TANC1: variants seen among roughly 807,000 people sequenced by gnomAD.
TANC1 encodes tetratricopeptide repeat, ankyrin repeat and coiled-coil containing 1.
TANC1 carries 77 observed loss-of-function variants against 149.7 expected under a neutral mutation model. The ratio of observed to expected loss-of-function variants is 0.51; its 90% CI spans 0.43 to 0.62. TANC1 has a LOEUF of 0.62. TANC1 is among the 20% of genes least tolerant of loss of function. The pLI is 0.00. For synonymous variants in TANC1, 854 were observed against 925.0 expected (o/e 0.92, Z 1.39); for missense variants, 1,985 against 2,321.8 (o/e 0.85, Z 2.98).
intron 4 of TANC1, among the ~76,000 whole-genome samples, chr2:159,117,364 G>C (rs547096185): frequency 6.6e-6 from 1 of 152,150 alleles, no homozygotes; most frequent in Non-Finnish European, 1.5e-5. Flanking sequence ...CAGAGTTAAT[G>C]AACTGATATT....
chr2:159,129,099 TTC>T (rs2049805034), intron 4 of TANC1, among the ~76,000 whole-genome samples: 1 of 152,200 alleles, frequency 6.6e-6, no homozygotes, highest in South Asian at 2.1e-4. Context: ...AGTGTCACTT[TTC>T]ACAGCCTCCA....
chr2:159,217,676 G>A (rs1170812077), intron 20 of TANC1, 46 bp downstream of exon 20: 1 of 1,605,886 alleles, frequency 6.2e-7, no homozygotes, highest in South Asian at 1.1e-5. Context: ...GAGTGGGGAT[G>A]GAGTTCACTA....
intron 16 of TANC1, among the ~76,000 whole-genome samples, chr2:159,192,216 T>C (rs2057497757): frequency 6.6e-6 from 1 of 152,224 alleles, no homozygotes. Flanking sequence ...TGTGGACATT[T>C]CCATATTTTC....
At chr2:159,083,408 TA>T in intron 3 of TANC1, among the ~76,000 whole-genome samples, 1 of 152,308 alleles carries the variant, frequency 6.6e-6, no homozygotes, top group East Asian at 1.9e-4. Flanking sequence ...CATTATCTAG[TA>T]AACTCTGTTT....
intron 2 of TANC1, among the ~76,000 whole-genome samples, chr2:159,009,726 T>C (rs2037574269): frequency 6.6e-6 from 1 of 152,142 alleles, no homozygotes; most frequent in Admixed American, 6.5e-5. Flanking sequence ...ATTGTATATT[T>C]TCAGATAGCT....
chr2:159,090,517 C>T (rs1361322744), intron 3 of TANC1, among the ~76,000 whole-genome samples: 1 of 152,178 alleles, frequency 6.6e-6, no homozygotes, highest in African/African-American at 2.4e-5. Flanking sequence ...TCGGGGGTCC[C>T]TCTGTGTGGA....
At position 159,163,385 on chromosome 2, in the gene TANC1, A is replaced by T; in HGVS notation, c.785A>T (p.His262Leu). The T allele has an allele frequency of 6.2e-7, 1 of 1,614,228 alleles. No individual in the cohort carries two copies. The highest frequency in any genetic ancestry group is 8.5e-7 in the Non-Finnish European group (1 of 1,180,044). The change falls in exon 8 of 27, where the codon CAT becomes CTT. Residue 262 changes from histidine to leucine, a missense_variant. His to Leu is a moderately conservative substitution (Grantham distance 99). Around this residue, in one of 3 missense-constraint regions of TANC1, gnomAD observed 557 missense variants for 612.9 expected, o/e 0.91. Coordinates refer to ENST00000263635, the MANE Select transcript of TANC1 (RefSeq NM_033394.3). ...TTAGGGGTTCAGAAGGGAGTGCTTC[A>T]TGACCGCAGGGCAGATAACTGCTCC... Reference protein sequence around the residue: ...LRLGVQKGVLHDRRADNCSPV... With the variant: ...LRLGVQKGVLLDRRADNCSPV...
chr2:159,142,866 C>G (rs565482278), intron 5 of TANC1, among the ~76,000 whole-genome samples: 10 of 151,682 alleles, frequency 6.6e-5, no homozygotes, highest in African/African-American at 2.4e-4. Context: ...GAGTTTGAGA[C>G]CAGCCTGGCC....
At chr2:158,990,202 C>T (rs1323636578) in intron 1 of TANC1, among the ~76,000 whole-genome samples, 2 of 152,212 alleles carry the variant, frequency 1.3e-5, no homozygotes, top group Non-Finnish European at 2.9e-5. Flanking sequence ...TCCCAAAGTG[C>T]TGGGATTACA....
chr2:158,995,451 G>A (rs934015938), intron 1 of TANC1, among the ~76,000 whole-genome samples: 3 of 152,130 alleles, frequency 2.0e-5, no homozygotes, highest in Non-Finnish European at 4.4e-5. Context: ...ACAGCCACTT[G>A]AGGTTATCTG....
intron 2 of TANC1, among the ~76,000 whole-genome samples, chr2:159,043,752 C>T (rs2040832748): frequency 6.6e-6 from 1 of 152,142 alleles, no homozygotes; most frequent in Non-Finnish European, 1.5e-5. Context: ...ATAAAATTTT[C>T]ACATTTTTAA....
intron 17 of TANC1, among the ~76,000 whole-genome samples, 179 bp from the exon 18 acceptor site, chr2:159,196,429 T>C (rs561212762): frequency 1.2e-4 from 18 of 152,336 alleles, no homozygotes; most frequent in African/African-American, 4.1e-4. Context: ...GAATGGTACA[T>C]TCATTACCAT....
chr2:159,003,747 G>T (rs1175869658), intron 2 of TANC1, among the ~76,000 whole-genome samples: 2 of 152,198 alleles, frequency 1.3e-5, no homozygotes, highest in African/African-American at 4.8e-5. Context: ...TGCCGCTGCC[G>T]CAGTCGTCGT....
intron 8 of TANC1, among the ~76,000 whole-genome samples, 153 bp downstream of exon 8, chr2:159,163,699 G>A (rs2054283887): frequency 6.6e-6 from 1 of 152,186 alleles, no homozygotes; most frequent in South Asian, 2.1e-4. Flanking sequence ...TTACTAATCT[G>A]TAAACACAAT....
At chr2:159,012,879 C>T (rs2037905545) in intron 2 of TANC1, among the ~76,000 whole-genome samples, 1 of 152,124 alleles carries the variant, frequency 6.6e-6, no homozygotes, top group African/African-American at 2.4e-5. Flanking sequence ...ATGTAGGAGG[C>T]TACTCTTTCG....
chr2:159,048,603 T>A (rs907690227), intron 2 of TANC1, among the ~76,000 whole-genome samples: 1 of 152,162 alleles, frequency 6.6e-6, no homozygotes, highest in Non-Finnish European at 1.5e-5. Context: ...AACATAGAAA[T>A]TTTCCTGGAT....
In TANC1 at chr2:159,230,372, C is replaced by T. The variant is rs1259464621; in HGVS notation, c.4946C>T (p.Ala1649Val). 1.4e-5 allele frequency: 23 copies of T among 1,614,098 alleles called. No homozygotes were observed. The highest frequency in any genetic ancestry group is 1.6e-4 in the Middle Eastern group (1 of 6,062). Reference protein sequence around the residue: ...DAAPPNQGGLATCSDVRHPAS... With the variant: ...DAAPPNQGGLVTCSDVRHPAS... ...GCCCCTCCAAACCAAGGTGGGCTGG[C>T]GACCTGCAGCGACGTGCGACACCCA... is the stretch of plus-strand genomic sequence containing the variant. Residue 1649 changes from alanine to valine, a missense_variant, in exon 27 of 27, where the codon GCG (alanine) becomes GTG (valine). By Grantham distance (64) the Ala-to-Val change is moderately conservative. Around this residue, in one of 3 missense-constraint regions of TANC1, gnomAD observed 920 missense variants for 994.7 expected, o/e 0.92. Transcript: ENST00000263635. This position sits in a 1 kb window ranked among gnomAD's most constrained non-coding sequence, Gnocchi z 4.4.
At chr2:158,996,342 A>G (rs984013772) in intron 1 of TANC1, among the ~76,000 whole-genome samples, 9 of 152,252 alleles carry the variant, frequency 5.9e-5, no homozygotes, top group South Asian at 2.1e-4. Context: ...CCTGGGTGAC[A>G]GTGACAGCCT....
chr2:159,203,209 CT>C lies in TANC1; in HGVS notation c.3244+4172del, dbSNP rs56319016. On this transcript the variant is annotated intron_variant, in intron 19 of 26. Transcript: ENST00000263635. ...ATCTTATTCGATAGGCTTTTCTTTT[CT>C]TTTTTTTTTTTTTTTGAGATGGAGT... 1.5e-3 allele frequency among the ~76,000 whole-genome samples: 148 copies of C among 101,644 alleles called. 13 individuals are homozygous for C. The highest frequency in any genetic ancestry group is 2.4e-3 in the East Asian group (11 of 4,520). 66.7% of individuals were successfully genotyped at this position (101,644 alleles called of 152,430 possible).
Sources: allele counts gnomAD v4.1 joint callset (sites outside exome capture counted in the v4.1 genomes callset), GRCh38; gene constraint gnomAD v4.1.1; regional missense constraint gnomAD v4.1.1; non-coding constraint Gnocchi (gnomAD v3.1); transcripts MANE v1.5; gene names NCBI Gene and HGNC (gene_info 2026-07-23, HGNC 2026-07-21).